The following FAM114A2 variants were observed in gnomAD, a reference collection of about 807,000 sequenced individuals.
The protein encoded by FAM114A2 is protein FAM114A2.
Under a neutral mutation model 58.4 loss-of-function variants are expected in FAM114A2, and 53 were observed. The observed-to-expected ratio is 0.91, with a 90% CI of 0.73 to 1.14. The LOEUF (loss-of-function observed/expected upper bound fraction) is 1.14. Among genes scored for constraint, FAM114A2 ranks in the 50% most tolerant of loss-of-function variants. The probability of loss-of-function intolerance (pLI) is 0.00; values close to 1 mark genes in which losing one functional copy is unlikely to be tolerated. For synonymous variants in FAM114A2, 228 were observed against 211.4 expected (o/e 1.08, Z -0.68); for missense variants, 601 against 581.1 (o/e 1.03, Z -0.35).
chr5:154,031,584 T>C (rs868305181), intron 4 of FAM114A2, among the ~76,000 whole-genome samples: 2 of 152,154 alleles, frequency 1.3e-5, no homozygotes, highest in Non-Finnish European at 2.9e-5. Flanking sequence ...GGCAGTCCAT[T>C]GTAATTTTGG....
chr5:154,016,435 G>A (rs1235328048), intron 8 of FAM114A2, among the ~76,000 whole-genome samples: 1 of 152,166 alleles, frequency 6.6e-6, no homozygotes. Flanking sequence ...AACCCTACAA[G>A]CTAGAAGGGA....
intron 9 of FAM114A2, among the ~76,000 whole-genome samples, chr5:154,006,959 A>C (rs1250027644): frequency 1.3e-5 from 2 of 151,834 alleles, no homozygotes; most frequent in African/African-American, 2.4e-5. Context: ...ACTGCGCCTG[A>C]CTAATTTTTG....
intron 11 of FAM114A2, among the ~76,000 whole-genome samples, chr5:153,998,837 A>G (rs1769762556): frequency 6.6e-6 from 1 of 152,264 alleles, no homozygotes; most frequent in Non-Finnish European, 1.5e-5. Context: ...GCAGACCCAA[A>G]GCCCAAGAGT....
intron 8 of FAM114A2, among the ~76,000 whole-genome samples, chr5:154,019,892 T>C (rs1156681578): frequency 6.6e-6 from 1 of 152,146 alleles, no homozygotes; most frequent in Non-Finnish European, 1.5e-5. Flanking sequence ...ATTGACCACA[T>C]AGTTGGAAGC....
chr5:154,034,396 G>T lies in FAM114A2; in HGVS notation c.211-19C>A. ...CATTATCCTAATTTCCCAGTAGGCA[G>T]AAAAACAAAAGGCAAAGAAAAATGA... On this transcript the variant is annotated intron_variant, in intron 2 of 13. Transcript: ENST00000351797. 1 of 1,471,202 alleles carries T rather than the reference G, an allele frequency of 6.8e-7. No individual in the cohort carries two copies. Among genetic ancestry groups the T allele is most frequent in the Non-Finnish European group, 9.2e-7 (1 of 1,081,942 alleles). 91.1% of individuals were successfully genotyped at this position (1,471,202 alleles called of 1,614,324 possible). A position where few individuals can be genotyped will look rare whatever the true frequency, so the allele number is the denominator to read the frequency against.
chr5:154,026,449 T>C lies in FAM114A2; in HGVS notation c.863A>G (p.Glu288Gly), dbSNP rs767891742. ...ACAAAATTCTGCTAGAGAAAATGTT[T>C]CTTTGAGTTGCTCTAATTCAACTTT... is the stretch of plus-strand genomic sequence containing the variant. The part of the protein sequence containing the change: ...TLKVELEQLK[E>G]TFSLAEFCEE... The change falls in exon 8 of 14, where the codon GAA (glutamate) becomes GGA (glycine). Residue 288 changes from glutamate to glycine, a missense_variant. Transcript: ENST00000351797. The C allele has an allele frequency of 3.2e-6, 5 of 1,582,276 alleles. No individual in the cohort carries two copies. The highest frequency in any genetic ancestry group is 4.3e-6 in the Non-Finnish European group (5 of 1,165,226).
intron 7 of FAM114A2, 151 bp from the exon 8 acceptor site, chr5:154,026,673 G>C: frequency 2.2e-6 from 1 of 450,902 alleles, no homozygotes. Flanking sequence ...CTTAACACAA[G>C]AGGCTGGTTA....
chr5:154,033,235 T>G (rs993332323), intron 4 of FAM114A2, among the ~76,000 whole-genome samples: 1 of 152,108 alleles, frequency 6.6e-6, no homozygotes, highest in Admixed American at 6.6e-5. Context: ...AGATGAAGAA[T>G]GCAAACCAGG....
At chr5:154,004,814 A>G (rs987690547) in intron 9 of FAM114A2, among the ~76,000 whole-genome samples, 6 of 152,110 alleles carry the variant, frequency 3.9e-5, no homozygotes, top group Non-Finnish European at 7.4e-5. Context: ...TCTTAAATCT[A>G]TCTTCCAAAA....
At chr5:154,003,179 ATT>A (rs1169742842) in intron 9 of FAM114A2, among the ~76,000 whole-genome samples, 6 of 144,790 alleles carry the variant, frequency 4.1e-5, no homozygotes, top group East Asian at 2.0e-4. Flanking sequence ...AATTGGTAGT[ATT>A]TTTTTTTTTT....
intron 8 of FAM114A2, among the ~76,000 whole-genome samples, chr5:154,014,800 T>C (rs897446381): frequency 2.0e-5 from 3 of 152,176 alleles, no homozygotes; most frequent in Admixed American, 1.3e-4. Context: ...AGAAGTCTCC[T>C]GACCAGAACT....
At chr5:154,031,169 A>G (rs1561576001) in intron 4 of FAM114A2, among the ~76,000 whole-genome samples, 1 of 151,792 alleles carries the variant, frequency 6.6e-6, no homozygotes, top group Non-Finnish European at 1.5e-5. Context: ...AAAATTAGCC[A>G]GGCATGGTGG....
chr5:154,026,189 G>A, intron 8 of FAM114A2: 1 of 305,942 alleles, frequency 3.3e-6, no homozygotes, highest in Admixed American at 5.2e-5. Flanking sequence ...AGGAGGCAGG[G>A]AGACATGGGC....
rs1772035602 is a variant in FAM114A2, at chr5:154,029,545, G to A, written c.439C>T (p.Pro147Ser). Residue 147 changes from proline to serine, a missense_variant, in exon 5 of 14, where the codon CCA (proline) becomes TCA (serine). Transcript: ENST00000351797. ...AATACACCAAATGCCCCAGCCACTGGGGAGGAGTTTTCATTCTCTTTGGCA... is the reference window on the plus strand; with the variant it reads ...AATACACCAAATGCCCCAGCCACTGAGGAGGAGTTTTCATTCTCTTTGGCA... The part of the protein sequence containing the change: ...TNAKENENSS[P>S]VAGAFGVFST... The A allele has an allele frequency of 3.1e-6, 5 of 1,610,698 alleles. No individual in the cohort carries two copies. Among genetic ancestry groups the A allele is most frequent in the Non-Finnish European group, 4.2e-6 (5 of 1,177,346 alleles).
intron 8 of FAM114A2, among the ~76,000 whole-genome samples, chr5:154,015,620 C>G (rs781016530): frequency 4.6e-5 from 7 of 152,244 alleles, no homozygotes; most frequent in Non-Finnish European, 8.8e-5. Context: ...AGAATCTGAA[C>G]AACACCCTTG....
intron 8 of FAM114A2, among the ~76,000 whole-genome samples, chr5:154,016,788 T>G (rs1771068381): frequency 6.7e-6 from 1 of 149,524 alleles, no homozygotes; most frequent in African/African-American, 2.5e-5. Flanking sequence ...ATCTCAAAAG[T>G]AATGTTGAAT....
chr5:154,034,968 C>G lies in FAM114A2; in HGVS notation c.-14-1G>C, dbSNP rs764761629. ...TTATCTGACATGATTAGAACATCAG[C>G]TGGTAAAATGAAAGCCCAAAAAAAA... is the stretch of plus-strand genomic sequence containing the variant. On this transcript the variant is annotated splice_acceptor_variant, in intron 1 of 13. Coordinates refer to ENST00000351797, the MANE Select transcript of FAM114A2 (RefSeq NM_018691.4). LOFTEE classifies it low-confidence loss of function (5UTR_SPLICE). 1 of 1,572,908 alleles carries G rather than the reference C, an allele frequency of 6.4e-7. No homozygotes were observed. The highest frequency in any genetic ancestry group is 8.6e-7 in the Non-Finnish European group (1 of 1,163,156).
chr5:154,011,198 T>G, intron 9 of FAM114A2, 43 bp downstream of exon 9: 1 of 1,421,144 alleles, frequency 7.0e-7, no homozygotes, highest in African/African-American at 1.4e-5. Flanking sequence ...CACTACATTT[T>G]TACAAGTAAA....
chr5:153,999,506 C>T (rs796292365), intron 11 of FAM114A2, among the ~76,000 whole-genome samples: 3 of 151,744 alleles, frequency 2.0e-5, no homozygotes, highest in Non-Finnish European at 4.4e-5. Context: ...ATGGTGTGCA[C>T]GCTTGTAATC....
Sources: allele counts gnomAD v4.1 joint callset (sites outside exome capture counted in the v4.1 genomes callset), GRCh38; gene constraint gnomAD v4.1.1; transcripts MANE v1.5; gene names NCBI Gene and HGNC (gene_info 2026-07-23, HGNC 2026-07-21).